Variants in CSGALNACT1 observed in about 807,000 individuals in gnomAD.
CSGALNACT1 encodes chondroitin sulfate N-acetylgalactosaminyltransferase 1.
A neutral mutation model predicts 51.0 loss-of-function variants in CSGALNACT1; 52 were observed. The observed-to-expected ratio is 1.02, with a 90% CI of 0.82 to 1.29. CSGALNACT1 has a LOEUF of 1.29. Ranked by LOEUF, CSGALNACT1 falls within the 50% of genes most tolerant of loss-of-function variation. The pLI, the probability that CSGALNACT1 is intolerant of heterozygous loss-of-function variation, is 0.00. For missense variants in CSGALNACT1, 935 were observed against 679.2 expected (o/e 1.38, Z -4.19); for synonymous variants, 341 against 254.4 (o/e 1.34, Z -3.24).
rs367964171 is a variant in CSGALNACT1, at chr8:19,461,766, G to A, written c.635-3124C>T. ...AGCGGCCACATTCACCATGGAGGGC[G>A]TATCTGCACAGCAGCCACATTCACC... On this transcript the variant is annotated intron_variant, in intron 4 of 9. Coordinates refer to ENST00000454498, the Ensembl canonical transcript of CSGALNACT1. 2.8e-4 allele frequency among the ~76,000 whole-genome samples: 14 copies of A among 50,056 alleles called. 1 individual carries two copies. The highest frequency in any genetic ancestry group is 6.5e-4 in the Admixed American group (2 of 3,068). 32.8% of individuals were successfully genotyped at this position (50,056 alleles called of 152,430 possible).
chr8:19,432,580 C>G (rs2153729894), intron 6 of CSGALNACT1, among the ~76,000 whole-genome samples: 1 of 152,164 alleles, frequency 6.6e-6, no homozygotes, highest in South Asian at 2.1e-4. Flanking sequence ...TGATGGTATC[C>G]CATGAATCTC....
In CSGALNACT1 at chr8:19,678,236, C is replaced by T. The variant is rs117600238; in HGVS notation, c.-544+4237G>A. Among the ~76,000 whole-genome samples the T allele has an allele frequency of 3.2e-4, 48 of 152,214 alleles. No homozygotes were observed. The East Asian group carries it at 3.3e-3, about 10-fold the overall frequency. ...CTATTAACCTTAACACTCAGCATAC[C>T]GGGGCAAAAAGGCCTAACAAGAAGT... is the stretch of plus-strand genomic sequence containing the variant. On this transcript the variant is annotated intron_variant, in intron 1 of 9. Coordinates refer to the CSGALNACT1 transcript ENST00000332246.
chr8:19,507,771 G>A (rs1563801876), intron 3 of CSGALNACT1, among the ~76,000 whole-genome samples: 2 of 152,290 alleles, frequency 1.3e-5, no homozygotes, highest in African/African-American at 2.4e-5. Flanking sequence ...GGGACTACAG[G>A]CACGCATCAC....
chr8:19,666,115 T>C (rs1440131551), intron 1 of CSGALNACT1, among the ~76,000 whole-genome samples: 1 of 152,212 alleles, frequency 6.6e-6, no homozygotes, highest in Non-Finnish European at 1.5e-5. Context: ...GATTTTTCCC[T>C]TTGTTCCTGT....
intron 1 of CSGALNACT1, among the ~76,000 whole-genome samples, chr8:19,737,593 T>G (rs2064061539): frequency 6.8e-6 from 1 of 146,028 alleles, no homozygotes; most frequent in Non-Finnish European, 1.5e-5. Context: ...AGAAAAAAAT[T>G]GGAAAAAGAA....
chr8:19,429,904 A>C (rs940766408), intron 6 of CSGALNACT1, among the ~76,000 whole-genome samples: 1 of 152,202 alleles, frequency 6.6e-6, no homozygotes, highest in Admixed American at 6.5e-5. Context: ...TGACTTGTGG[A>C]TTACAGCCAT....
At chr8:19,597,109 A>T (rs1029939527) in intron 2 of CSGALNACT1, among the ~76,000 whole-genome samples, 1 of 152,108 alleles carries the variant, frequency 6.6e-6, no homozygotes, top group African/African-American at 2.4e-5. Context: ...TCATACTGCG[A>T]CTGGCTAATT....
intron 1 of CSGALNACT1, among the ~76,000 whole-genome samples, chr8:19,639,453 A>C (rs1027849652): frequency 2.6e-5 from 4 of 152,232 alleles, no homozygotes; most frequent in Non-Finnish European, 5.9e-5. Flanking sequence ...GGAAGAAGCC[A>C]AAGAGTTGCT....
intron 1 of CSGALNACT1, among the ~76,000 whole-genome samples, chr8:19,693,978 T>C (rs1286917463): frequency 6.6e-6 from 1 of 152,172 alleles, no homozygotes; most frequent in East Asian, 1.9e-4. Flanking sequence ...GTCTGGTTTA[T>C]TTCACTTACC....
At chr8:19,605,264 C>T (rs536799895), upstream of CSGALNACT1, among the ~76,000 whole-genome samples, 39 of 152,164 alleles carry the variant, frequency 2.6e-4, no homozygotes, top group South Asian at 7.3e-3. Flanking sequence ...GGTGAAACCC[C>T]GTCTCAACTA....
At chr8:19,596,019 A>T (rs984916330) in intron 2 of CSGALNACT1, among the ~76,000 whole-genome samples, 6 of 152,034 alleles carry the variant, frequency 3.9e-5, no homozygotes, top group Admixed American at 1.3e-4. Flanking sequence ...ACATGCCACC[A>T]CACCGAGCTA....
intron 1 of CSGALNACT1, among the ~76,000 whole-genome samples, chr8:19,727,945 T>G (rs2063492094): frequency 6.6e-6 from 1 of 152,086 alleles, no homozygotes; most frequent in Non-Finnish European, 1.5e-5. Flanking sequence ...TATTGCTGAG[T>G]CTCTTTAAGA....
intron 2 of CSGALNACT1, among the ~76,000 whole-genome samples, chr8:19,599,555 G>A (rs1402241966): frequency 6.7e-6 from 1 of 148,576 alleles, no homozygotes; most frequent in Non-Finnish European, 1.5e-5. Flanking sequence ...AAGAAAGAAG[G>A]AAAGGGAAAG....
chr8:19,626,724 A>G (rs758175868), intron 1 of CSGALNACT1, among the ~76,000 whole-genome samples: 26 of 152,338 alleles, frequency 1.7e-4, no homozygotes, highest in Non-Finnish European at 3.4e-4. Flanking sequence ...TTGCTAAACT[A>G]AATAGTAAAC....
chr8:19,605,689 G>A (rs767240063), upstream of CSGALNACT1, among the ~76,000 whole-genome samples: 2 of 152,130 alleles, frequency 1.3e-5, no homozygotes, highest in Non-Finnish European at 2.9e-5. Context: ...ACTTGGTTTT[G>A]CAAGTTTTTC....
At chr8:19,470,794 T>C (rs1284233652) in intron 4 of CSGALNACT1, among the ~76,000 whole-genome samples, 1 of 152,100 alleles carries the variant, frequency 6.6e-6, no homozygotes, top group Admixed American at 6.5e-5. Context: ...CCTGGGAACA[T>C]GTGTTAAGAG....
chr8:19,554,632 T>C (rs1157274311), intron 3 of CSGALNACT1, among the ~76,000 whole-genome samples: 1 of 109,706 alleles, frequency 9.1e-6, no homozygotes, highest in Non-Finnish European at 1.9e-5. Flanking sequence ...AAGGCAGTTA[T>C]ATAGGCTGGA....
intron 4 of CSGALNACT1, among the ~76,000 whole-genome samples, chr8:19,474,065 TA>T (rs1425146179): frequency 6.6e-6 from 1 of 152,116 alleles, no homozygotes; most frequent in African/African-American, 2.4e-5. Context: ...TAAATCTTAG[TA>T]AAAAAGAACT....
intron 3 of CSGALNACT1, among the ~76,000 whole-genome samples, chr8:19,587,699 T>C (rs956520988): frequency 3.9e-5 from 6 of 152,180 alleles, no homozygotes; most frequent in African/African-American, 1.4e-4. Flanking sequence ...GGCAAGGGCA[T>C]AGATACTCCT....
Sources: gnomAD v4.1 joint callset for allele counts (sites outside exome capture counted in the v4.1 genomes callset) on GRCh38, gnomAD v4.1.1 for gene constraint, MANE v1.5 for transcripts, NCBI Gene and HGNC (gene_info 2026-07-23, HGNC 2026-07-21) for gene names.